Variants in CDKAL1 observed in about 807,000 individuals in gnomAD.
CDKAL1 encodes threonylcarbamoyladenosine tRNA methylthiotransferase.
CDKAL1 carries 32 observed loss-of-function variants against 68.2 expected under a neutral mutation model. The ratio of observed to expected loss-of-function variants is 0.47; its 90% CI spans 0.35 to 0.63. CDKAL1 has a LOEUF of 0.63. Among genes scored for constraint, CDKAL1 ranks in the 30% least tolerant of loss-of-function variants. The pLI is 0.00. For synonymous variants in CDKAL1, 234 were observed against 244.3 expected, an observed-to-expected ratio of 0.96 and a Z score of 0.39; for missense variants, 606 against 696.7, an observed-to-expected ratio of 0.87 and a Z score of 1.47.
intron 9 of CDKAL1, among the ~76,000 whole-genome samples, chr6:20,889,760 A>AGCCTTGC (rs1761288535): frequency 6.6e-6 from 1 of 152,164 alleles, no homozygotes; most frequent in South Asian, 2.1e-4. Context: ...TGGTTACTGT[A>AGCCTTGC]GCCTTGTAGT....
chr6:20,572,735 T>C (rs1461494624), intron 4 of CDKAL1, among the ~76,000 whole-genome samples: 1 of 152,104 alleles, frequency 6.6e-6, no homozygotes, highest in Admixed American at 6.6e-5. Flanking sequence ...AAATTATACT[T>C]AAAAATCTTC....
intron 13 of CDKAL1, among the ~76,000 whole-genome samples, chr6:21,182,546 G>A (rs1438672397): frequency 6.6e-6 from 1 of 152,082 alleles, no homozygotes; most frequent in Admixed American, 6.6e-5. Context: ...ATGTGTGTAT[G>A]GTTCTTAAAC....
Position 20,950,371 on chromosome 6 carries a change from G to A in CDKAL1, c.743-5048G>A, listed in dbSNP as rs564967318. 2.2e-4 allele frequency among the ~76,000 whole-genome samples: 34 copies of A among 152,168 alleles called. 1 individual carries two copies. The highest frequency in any genetic ancestry group is 1.8e-3 in the Admixed American group (27 of 15,290). ...ACTCCCGACCTCAGGTGATCCGCCC[G>A]CCTTGGCCTCCCAAAGTGCTGAGAT... On this transcript the variant is annotated intron_variant, in intron 9 of 15. Coordinates refer to ENST00000274695, the MANE Select transcript of CDKAL1 (RefSeq NM_017774.3).
At position 20,638,214 on chromosome 6, in the gene CDKAL1, C is replaced by G. The variant is rs1399417199; in HGVS notation, c.287-11079C>G. 5.3e-5 allele frequency among the ~76,000 whole-genome samples: 8 copies of G among 152,278 alleles called. No homozygotes were observed. In the East Asian group the frequency reaches 1.5e-3, roughly 29 times the overall value. On this transcript the variant is annotated intron_variant, in intron 4 of 15. Coordinates refer to ENST00000274695, the MANE Select transcript of CDKAL1 (RefSeq NM_017774.3). ...TACATCAGTATAGTGTGCTATCAAACTTTTGGATTTTTGACAGTCTAGTAA... is the reference window on the plus strand; with the variant it reads ...TACATCAGTATAGTGTGCTATCAAAGTTTTGGATTTTTGACAGTCTAGTAA...
At chr6:20,752,958 T>G (rs988303627) in intron 6 of CDKAL1, among the ~76,000 whole-genome samples, 32 of 152,192 alleles carry the variant, frequency 2.1e-4, no homozygotes, top group African/African-American at 6.3e-4. Flanking sequence ...GCCTTGACAT[T>G]GGAACCTTTG....
intron 13 of CDKAL1, among the ~76,000 whole-genome samples, chr6:21,171,261 G>T (rs1777373040): frequency 6.6e-6 from 1 of 152,134 alleles, no homozygotes; most frequent in Non-Finnish European, 1.5e-5. Context: ...TGCCCAGGCT[G>T]AAGTGCAGTG....
At chr6:21,188,697 T>C (rs1452199031) in intron 13 of CDKAL1, among the ~76,000 whole-genome samples, 1 of 152,150 alleles carries the variant, frequency 6.6e-6, no homozygotes, top group Non-Finnish European at 1.5e-5. Flanking sequence ...ATGACAGAGC[T>C]TGCCCAGTGT....
At chr6:20,903,595 G>C (rs758341021) in intron 9 of CDKAL1, among the ~76,000 whole-genome samples, 8 of 152,156 alleles carry the variant, frequency 5.3e-5, no homozygotes, top group Non-Finnish European at 8.8e-5. Flanking sequence ...TGAACACAGT[G>C]CCTGAGGAGA....
intron 8 of CDKAL1, among the ~76,000 whole-genome samples, chr6:20,814,709 C>A (rs1000659861): frequency 1.1e-4 from 17 of 152,204 alleles, no homozygotes; most frequent in Admixed American, 4.6e-4. Flanking sequence ...ATTAGGAAAT[C>A]TTTTTCCTCT....
intron 5 of CDKAL1, among the ~76,000 whole-genome samples, chr6:20,673,391 G>A (rs150153610): frequency 6.6e-6 from 1 of 152,282 alleles, no homozygotes; most frequent in African/African-American, 2.4e-5. Context: ...TGGATTACTT[G>A]TAATCCCTAA....
chr6:20,654,531 A>G (rs906685623), intron 5 of CDKAL1, among the ~76,000 whole-genome samples: 1 of 152,184 alleles, frequency 6.6e-6, no homozygotes, highest in Admixed American at 6.5e-5. Context: ...CTCTGAAGCT[A>G]TTAAGATATT....
At chr6:20,923,694 G>A (rs1016551966) in intron 9 of CDKAL1, among the ~76,000 whole-genome samples, 2 of 152,142 alleles carry the variant, frequency 1.3e-5, no homozygotes, top group Non-Finnish European at 2.9e-5. Context: ...GAGAGGAGGG[G>A]CTGCATGTCT....
intron 4 of CDKAL1, among the ~76,000 whole-genome samples, chr6:20,646,538 A>G (rs568017267): frequency 2.3e-4 from 32 of 141,264 alleles, no homozygotes; most frequent in African/African-American, 6.0e-4. Context: ...TATGCAACAC[A>G]TGTTTTCCCT....
chr6:21,007,482 C>CAAAA (rs147527333), intron 11 of CDKAL1, among the ~76,000 whole-genome samples: 7 of 84,548 alleles, frequency 8.3e-5, no homozygotes, highest in Non-Finnish European at 1.1e-4. Context: ...GACCCTGTCT[C>CAAAA]AAAAAAAAAA....
chr6:20,931,965 C>T (rs976126700), intron 9 of CDKAL1, among the ~76,000 whole-genome samples: 1 of 152,176 alleles, frequency 6.6e-6, no homozygotes, highest in Admixed American at 6.6e-5. Context: ...TTCTTTCTCT[C>T]TGCGTTAGTG....
intron 8 of CDKAL1, among the ~76,000 whole-genome samples, chr6:20,842,658 C>A (rs1352516659): frequency 6.6e-6 from 1 of 152,064 alleles, no homozygotes; most frequent in South Asian, 2.1e-4. Context: ...ATGGAGAAAC[C>A]CTGTCTCTAC....
chr6:20,748,475 T>G (rs1436373950), intron 6 of CDKAL1, among the ~76,000 whole-genome samples: 1 of 145,438 alleles, frequency 6.9e-6, no homozygotes, highest in Non-Finnish European at 1.5e-5. Context: ...TGTGGTGAGT[T>G]CCAGGCTGTG....
chr6:20,674,665 T>C (rs1232253724), intron 5 of CDKAL1, among the ~76,000 whole-genome samples: 1 of 152,218 alleles, frequency 6.6e-6, no homozygotes, highest in East Asian at 1.9e-4. Context: ...TACTGTGCTG[T>C]AGAACACTAG....
chr6:20,766,319 GT>G (rs1774701434), intron 7 of CDKAL1, among the ~76,000 whole-genome samples: 1 of 152,002 alleles, frequency 6.6e-6, no homozygotes, highest in African/African-American at 2.4e-5. Flanking sequence ...GGGTGAGCTG[GT>G]GCATAGTGTT....
Sources: allele counts gnomAD v4.1 joint callset (sites outside exome capture counted in the v4.1 genomes callset), GRCh38; gene constraint gnomAD v4.1.1; transcripts MANE v1.5; gene names NCBI Gene and HGNC (gene_info 2026-07-23, HGNC 2026-07-21).